Variants in DOP1A observed in about 807,000 individuals in gnomAD.
The protein encoded by DOP1A is DOP1 leucine zipper like protein A, also known as protein DOP1A.
In DOP1A, 90 loss-of-function variants were observed where a neutral mutation model predicts 267.6. That is an observed-to-expected ratio of 0.34 (90% CI 0.28 to 0.40). The LOEUF is 0.40. Ranked by LOEUF, DOP1A falls within the 10% of genes least tolerant of loss-of-function variation. The pLI is 1.00. For missense variants in DOP1A, 2,437 were observed against 2,900.4 expected (o/e 0.84, Z 3.67); for synonymous variants, 932 against 999.1 (o/e 0.93, Z 1.27).
intron 38 of DOP1A, 71 bp from the exon 39 acceptor site, chr6:83,167,791 A>G (rs1335410252): frequency 4.7e-6 from 7 of 1,480,646 alleles, no homozygotes; most frequent in South Asian, 1.4e-5. Context: ...CAAAGTTTAT[A>G]TATTTTTAAT....
chr6:83,071,571 T>TC (rs1413561220), intron 1 of DOP1A, among the ~76,000 whole-genome samples: 1 of 152,114 alleles, frequency 6.6e-6, no homozygotes, highest in African/African-American at 2.4e-5. Context: ...ATCCCACGTC[T>TC]CCATTTGGTG....
intron 1 of DOP1A, among the ~76,000 whole-genome samples, chr6:83,088,119 C>A (rs575134803): frequency 6.6e-6 from 1 of 152,000 alleles, no homozygotes; most frequent in Non-Finnish European, 1.5e-5. Flanking sequence ...TGATCTACCC[C>A]TCTCGGTCTC....
At chr6:83,086,376 G>A (rs987928821) in intron 1 of DOP1A, among the ~76,000 whole-genome samples, 4 of 152,190 alleles carry the variant, frequency 2.6e-5, no homozygotes, top group Non-Finnish European at 4.4e-5. Context: ...AGATCTTCAT[G>A]AACCTCATTG....
intron 4 of DOP1A, among the ~76,000 whole-genome samples, chr6:83,102,772 G>A (rs564854365): frequency 6.6e-6 from 1 of 152,240 alleles, no homozygotes; most frequent in Non-Finnish European, 1.5e-5. Flanking sequence ...GAAAAATTAA[G>A]AAAAAGGCTT....
chr6:83,069,092 G>A (rs908915793), intron 1 of DOP1A, among the ~76,000 whole-genome samples: 8 of 152,220 alleles, frequency 5.3e-5, no homozygotes, highest in African/African-American at 1.9e-4. Flanking sequence ...AAGTAAAGGA[G>A]TGAGCTCTGG....
chr6:83,162,141 A>T (rs1301347398), intron 37 of DOP1A, among the ~76,000 whole-genome samples: 1 of 152,118 alleles, frequency 6.6e-6, no homozygotes, highest in Non-Finnish European at 1.5e-5. Context: ...AACTCTCTGG[A>T]CGGACTTACG....
At chr6:83,106,005 T>A (rs548375136) in intron 4 of DOP1A, among the ~76,000 whole-genome samples, 11 of 152,308 alleles carry the variant, frequency 7.2e-5, no homozygotes, top group Non-Finnish European at 1.0e-4. Flanking sequence ...ATGGAGTAAA[T>A]GATACCATTG....
chr6:83,169,629 A>T (rs977400967), downstream of DOP1A: 2 of 462,242 alleles, frequency 4.3e-6, no homozygotes, highest in South Asian at 1.7e-5. Flanking sequence ...CCTAACAGTA[A>T]GTAAGTACTA....
Position 83,132,605 on chromosome 6 carries a change from T to G in DOP1A, c.2769+277T>G, listed in dbSNP as rs1778250324. Among the ~76,000 whole-genome samples, 5 of 152,130 alleles carry G rather than the reference T, an allele frequency of 3.3e-5. No homozygotes were observed. In the South Asian group the frequency reaches 1.0e-3, roughly 32 times the overall value. On this transcript the variant is annotated intron_variant, in intron 18 of 38. Transcript: ENST00000349129. ...TTCAAGACACAGTTATGGGAACTGATGTTTAGTATTGGTGGTCTCAGTTCT... is the reference window on the plus strand; with the variant it reads ...TTCAAGACACAGTTATGGGAACTGAGGTTTAGTATTGGTGGTCTCAGTTCT...
At chr6:83,125,449 C>G (rs1245425661) in intron 14 of DOP1A, 51 bp from the exon 15 acceptor site, 5 of 1,535,124 alleles carry the variant, frequency 3.3e-6, no homozygotes, top group Non-Finnish European at 4.5e-6. Flanking sequence ...AAAAATGTAA[C>G]TTTTGGGTTC....
chr6:83,097,593 G>A (rs988398219), intron 3 of DOP1A, among the ~76,000 whole-genome samples: 2 of 152,160 alleles, frequency 1.3e-5, no homozygotes, highest in African/African-American at 4.8e-5. Context: ...GTATATACAA[G>A]CAGTTGCTTA....
At chr6:83,099,680 ATGTGTG>A (rs373165064) in intron 3 of DOP1A, among the ~76,000 whole-genome samples, 34 of 138,992 alleles carry the variant, frequency 2.4e-4, no homozygotes, top group East Asian at 1.3e-3. Context: ...AGGATTGCAT[ATGTGTG>A]TGTGTGTGTG....
At chr6:83,123,710 C>T (rs567654941) in intron 12 of DOP1A, among the ~76,000 whole-genome samples, 2 of 152,128 alleles carry the variant, frequency 1.3e-5, no homozygotes, top group Admixed American at 6.6e-5. Context: ...GGCAGATAGA[C>T]AGTCCCTGTC....
At chr6:83,105,356 CTTTTTTTTT>C (rs70987733) in intron 4 of DOP1A, among the ~76,000 whole-genome samples, 4 of 65,890 alleles carry the variant, frequency 6.1e-5, no homozygotes, top group East Asian at 5.5e-4. Context: ...GGATGTCTTT[CTTTTTTTTT>C]TTTTTTTTTT....
chr6:83,145,770 T>C (rs1354072447), intron 25 of DOP1A, 112 bp downstream of exon 25: 4 of 954,404 alleles, frequency 4.2e-6, no homozygotes, highest in Non-Finnish European at 6.1e-6. Flanking sequence ...ATTGCAGAGA[T>C]GACTGCATGT....
Position 83,119,138 on chromosome 6 carries a change from T to C in DOP1A, c.880+151T>C. 4.9e-6 allele frequency: 3 copies of C among 610,158 alleles called. No homozygotes were observed. The South Asian group carries it at 7.0e-5, about 14-fold the overall frequency. The allele number at this position is 610,158 out of a possible 1,614,324, so 37.8% of individuals were successfully genotyped here. A position where few individuals can be genotyped will look rare whatever the true frequency, so the allele number is the denominator to read the frequency against. On this transcript the variant is annotated intron_variant, in intron 8 of 38. Transcript: ENST00000349129. ...ATAAAAATATAAACAGTATTAGTTG[T>C]GTATTGTATGAAGAAATTTCAGCAG...
chr6:83,089,188 C>G (rs568825462), intron 1 of DOP1A, among the ~76,000 whole-genome samples: 2 of 152,300 alleles, frequency 1.3e-5, no homozygotes, highest in African/African-American at 4.8e-5. Flanking sequence ...GATAAGCAAA[C>G]TAGCCAAAGT....
At chr6:83,111,760 C>G (rs1774600765) in intron 6 of DOP1A, among the ~76,000 whole-genome samples, 1 of 152,068 alleles carries the variant, frequency 6.6e-6, no homozygotes, top group African/African-American at 2.4e-5. Context: ...CTTATATATT[C>G]TGGATATTAA....
At position 83,145,509 on chromosome 6, in the gene DOP1A, T is replaced by C; in HGVS notation, c.5542-15T>C. 1 of 1,569,314 alleles carries C rather than the reference T, an allele frequency of 6.4e-7. No individual in the cohort carries two copies. On this transcript the variant is annotated splice_polypyrimidine_tract_variant and intron_variant, in intron 24 of 38. Transcript: ENST00000349129. ...TATATACATACATACATACATACAATGATTTATTACCTAGGTCATTCCTGC... is the reference window on the plus strand; with the variant it reads ...TATATACATACATACATACATACAACGATTTATTACCTAGGTCATTCCTGC...
Sources: allele counts gnomAD v4.1 joint callset (sites outside exome capture counted in the v4.1 genomes callset), GRCh38; gene constraint gnomAD v4.1.1; transcripts MANE v1.5; gene names NCBI Gene and HGNC (gene_info 2026-07-23, HGNC 2026-07-21).